Variants in USP34 observed in about 807,000 individuals in gnomAD.
USP34 encodes ubiquitin specific peptidase 34, also known as ubiquitin carboxyl-terminal hydrolase 34.
Under a neutral mutation model 460.3 loss-of-function variants are expected in USP34, and 70 were observed. That is an observed-to-expected ratio of 0.15 (90% CI 0.13 to 0.19). The LOEUF (loss-of-function observed/expected upper bound fraction) is 0.19. Ranked by LOEUF, USP34 falls within the 10% of genes least tolerant of loss-of-function variation. USP34 has a pLI of 1.00. For synonymous variants in USP34, 1,647 were observed against 1,405.3 expected (o/e 1.17, Z -3.85); for missense variants, 3,985 against 4,236.2 (o/e 0.94, Z 1.65).
Position 61,325,336 on chromosome 2 carries a change from C to A in USP34, c.3013+39G>T, listed in dbSNP as rs574151612. 50 of 1,369,568 alleles carry A rather than the reference C, an allele frequency of 3.7e-5. No homozygotes were observed. The African/African-American group carries it at 5.5e-4, about 15-fold the overall frequency. 84.8% of individuals were successfully genotyped at this position (1,369,568 alleles called of 1,614,324 possible). A position where few individuals can be genotyped will look rare whatever the true frequency, so the allele number is the denominator to read the frequency against. On this transcript the variant is annotated intron_variant, in intron 21 of 79. Transcript: ENST00000398571. The stretch of plus-strand genomic sequence containing the variant: ...AAGTAAATTTAGTTCTTCCAATAGT[C>A]AAAACAGATTTTTAAAAAGTACTGA...
chr2:61,423,571 C>T (rs565483499), intron 1 of USP34, among the ~76,000 whole-genome samples: 22 of 152,204 alleles, frequency 1.4e-4, no homozygotes, highest in Non-Finnish European at 2.9e-4. Flanking sequence ...GAAGAAATCC[C>T]ACATTCACTG....
At chr2:61,277,580 C>T (rs1453727979) in intron 41 of USP34, 1 of 152,352 alleles carries the variant, frequency 6.6e-6, no homozygotes, top group East Asian at 1.9e-4. Context: ...GAATTAACAT[C>T]TGATTTTGTA....
At chr2:61,403,331 ATTAC>A (rs1452243882) in intron 3 of USP34, among the ~76,000 whole-genome samples, 3 of 152,168 alleles carry the variant, frequency 2.0e-5, no homozygotes, top group African/African-American at 4.8e-5. Flanking sequence ...CAGACTCAGT[ATTAC>A]TTATATAGTT....
intron 57 of USP34, 127 bp from the exon 58 acceptor site, chr2:61,232,659 C>G (rs1428758417): frequency 1.3e-6 from 1 of 763,378 alleles, no homozygotes; most frequent in South Asian, 1.9e-5. Context: ...AGAAAAGTTT[C>G]TCTAATTGTC....
At chr2:61,292,253 A>G (rs1199005071) in intron 33 of USP34, among the ~76,000 whole-genome samples, 1 of 152,174 alleles carries the variant, frequency 6.6e-6, no homozygotes, top group Non-Finnish European at 1.5e-5. Flanking sequence ...GAAAAAAAAA[A>G]TAAGAAACAA....
intron 75 of USP34, among the ~76,000 whole-genome samples, chr2:61,198,527 T>G (rs931710036): frequency 6.6e-6 from 1 of 151,894 alleles, no homozygotes; most frequent in Non-Finnish European, 1.5e-5. Flanking sequence ...ACCATATGGG[T>G]ATCATCTGAG....
intron 53 of USP34, among the ~76,000 whole-genome samples, chr2:61,239,765 T>C (rs906606246): frequency 1.3e-5 from 2 of 152,084 alleles, no homozygotes; most frequent in African/African-American, 4.8e-5. Flanking sequence ...TCCCAGCACT[T>C]TGGGAGGCCG....
intron 1 of USP34, among the ~76,000 whole-genome samples, chr2:61,425,921 T>TC (rs1694497943): frequency 6.6e-6 from 1 of 151,768 alleles, no homozygotes. Context: ...CTCTCTTGCA[T>TC]CTTGGATACC....
At chr2:61,268,003 C>G (rs1689103523) in intron 41 of USP34, among the ~76,000 whole-genome samples, 1 of 152,086 alleles carries the variant, frequency 6.6e-6, no homozygotes, top group Admixed American at 6.6e-5. Flanking sequence ...ATTCGCCAGC[C>G]TCAGCCTCCC....
intron 30 of USP34, 149 bp from the exon 31 acceptor site, chr2:61,295,439 G>T: frequency 1.3e-6 from 1 of 797,656 alleles, no homozygotes; most frequent in Non-Finnish European, 1.7e-6. Flanking sequence ...GTATATAACT[G>T]GCACAAATGG....
intron 8 of USP34, among the ~76,000 whole-genome samples, chr2:61,373,579 A>G (rs1031949455): frequency 6.6e-5 from 10 of 152,254 alleles, no homozygotes; most frequent in African/African-American, 2.4e-4. Context: ...AAAAAGGATC[A>G]AGTTACCAGG....
rs772058109 is a variant in USP34 at position 61,236,299 on chromosome 2, T to C, written c.6842+26A>G. The stretch of plus-strand genomic sequence containing the variant: ...AGATTTTTTTAAAATGTGTAAAATA[T>C]CTACTATGAAATTTACCAAACTTAC... On this transcript the variant is annotated intron_variant, in intron 54 of 79. Coordinates refer to ENST00000398571, the MANE Select transcript of USP34 (RefSeq NM_014709.4). 2.5e-6 allele frequency: 4 copies of C among 1,594,106 alleles called. No homozygotes were observed. The East Asian group carries it at 6.7e-5, about 27-fold the overall frequency.
chr2:61,279,253 A>AAC (rs1284707642), intron 39 of USP34, among the ~76,000 whole-genome samples: 3 of 152,350 alleles, frequency 2.0e-5, no homozygotes, highest in African/African-American at 7.2e-5. Context: ...AAAAAGTATA[A>AAC]ACACCACAGA....
At position 61,369,279 on chromosome 2, in the gene USP34, T is replaced by C. The variant is rs183940050; in HGVS notation, c.1251+1042A>G. ...CTTGTAAGTAAGAATTTATCATAGC[T>C]ACACAAAAGTTTCACACAAGGATGA... On this transcript the variant is annotated intron_variant, in intron 10 of 79. Transcript: ENST00000398571. 1.1e-4 allele frequency among the ~76,000 whole-genome samples: 17 copies of C among 152,326 alleles called. No homozygotes were observed. The East Asian group carries it at 2.5e-3, about 22-fold the overall frequency.
intron 2 of USP34, among the ~76,000 whole-genome samples, chr2:61,414,651 G>A (rs773086965): frequency 4.6e-5 from 7 of 152,178 alleles, no homozygotes; most frequent in East Asian, 1.9e-4. Context: ...CAAACAAAGC[G>A]AGGAAAGAAT....
chr2:61,357,769 G>A (rs577453763), intron 10 of USP34, among the ~76,000 whole-genome samples: 1 of 152,328 alleles, frequency 6.6e-6, no homozygotes, highest in South Asian at 2.1e-4. Flanking sequence ...CAGGAGTGGT[G>A]GCACAAGCCT....
intron 10 of USP34, among the ~76,000 whole-genome samples, chr2:61,356,475 G>GCGCGCACGCACA (rs369666693): frequency 1.0e-3 from 130 of 128,418 alleles, no homozygotes; most frequent in African/African-American, 3.2e-3. Flanking sequence ...GGGTGAAAGC[G>GCGCGCACGCACA]CACACACACA....
chr2:61,394,628 G>A (rs1693461000), intron 5 of USP34, among the ~76,000 whole-genome samples: 1 of 150,026 alleles, frequency 6.7e-6, no homozygotes, highest in Non-Finnish European at 1.5e-5. Context: ...GATAATTATA[G>A]ATAGTCATGA....
intron 51 of USP34, among the ~76,000 whole-genome samples, chr2:61,243,800 T>G (rs1306293056): frequency 2.6e-5 from 4 of 151,280 alleles, no homozygotes; most frequent in Non-Finnish European, 5.9e-5. Context: ...GAACCAGAAG[T>G]TGGAGGCTGC....
Sources: allele counts gnomAD v4.1 joint callset (sites outside exome capture counted in the v4.1 genomes callset), GRCh38; gene constraint gnomAD v4.1.1; transcripts MANE v1.5; gene names NCBI Gene and HGNC (gene_info 2026-07-23, HGNC 2026-07-21).